LRP1B: variants seen among roughly 807,000 people sequenced by gnomAD.
LRP1B encodes LDL receptor related protein 1B, also known as low-density lipoprotein receptor-related protein 1B.
In LRP1B, 217 loss-of-function variants were observed where a neutral mutation model predicts 556.6. That is an observed-to-expected ratio of 0.39 (90% confidence interval 0.35 to 0.44). The LOEUF (loss-of-function observed/expected upper bound fraction) is 0.44. Among genes scored for constraint, LRP1B ranks in the 20% least tolerant of loss-of-function variants. LRP1B has a pLI of 1.00. For missense variants in LRP1B, 5,053 were observed against 5,620.8 expected (o/e 0.90, Z 3.23); for synonymous variants, 2,047 against 1,865.8 (o/e 1.10, Z -2.50).
chr2:141,529,595 T>C (rs2105189092), intron 2 of LRP1B, among the ~76,000 whole-genome samples: 1 of 152,300 alleles, frequency 6.6e-6, no homozygotes, highest in Admixed American at 6.5e-5. Flanking sequence ...CTGACTTGGA[T>C]TCAAGTATAG....
At chr2:141,535,296 C>T (rs1421839695) in intron 2 of LRP1B, among the ~76,000 whole-genome samples, 1 of 152,092 alleles carries the variant, frequency 6.6e-6, no homozygotes, top group Non-Finnish European at 1.5e-5. Flanking sequence ...GGAATACTTC[C>T]CTTTCAACTT....
chr2:141,140,593 C>A (rs1366750609), intron 7 of LRP1B, among the ~76,000 whole-genome samples: 1 of 152,064 alleles, frequency 6.6e-6, no homozygotes, highest in Non-Finnish European at 1.5e-5. Flanking sequence ...TGCATACACA[C>A]AGAGAAAAGG....
intron 1 of LRP1B, among the ~76,000 whole-genome samples, chr2:141,945,410 C>T (rs183799800): frequency 5.9e-4 from 90 of 152,066 alleles, no homozygotes; most frequent in African/African-American, 2.1e-3. Flanking sequence ...TAACTTTTAA[C>T]GGCCCCACTC....
At chr2:141,055,065 T>A (rs910090276) in intron 10 of LRP1B, 51 bp downstream of exon 10, 31 of 1,595,116 alleles carry the variant, frequency 1.9e-5, no homozygotes, top group Non-Finnish European at 2.5e-5. Context: ...ATACTTAAAA[T>A]CCTATTCTAA....
At chr2:140,399,083 T>C (rs1684380001) in intron 66 of LRP1B, among the ~76,000 whole-genome samples, 3 of 152,100 alleles carry the variant, frequency 2.0e-5, no homozygotes, top group African/African-American at 7.2e-5. Context: ...CTTATCTTTC[T>C]TTTTCTTTAA....
chr2:141,610,076 A>ACAC (rs1688053547), intron 2 of LRP1B, among the ~76,000 whole-genome samples: 1 of 152,136 alleles, frequency 6.6e-6, no homozygotes, highest in Non-Finnish European at 1.5e-5. Context: ...GTTCTTGGCT[A>ACAC]ATTAATGCAA....
intron 2 of LRP1B, among the ~76,000 whole-genome samples, chr2:141,490,484 G>A (rs1023906209): frequency 6.6e-6 from 1 of 151,706 alleles, no homozygotes; most frequent in Non-Finnish European, 1.5e-5. Flanking sequence ...TATAGGTTAA[G>A]TCATAACATT....
chr2:141,354,088 TC>T, intron 3 of LRP1B, among the ~76,000 whole-genome samples: 1 of 151,954 alleles, frequency 6.6e-6, no homozygotes, highest in Middle Eastern at 3.4e-3. Context: ...AGACTGAGGA[TC>T]AAAAACCTAC....
intron 33 of LRP1B, among the ~76,000 whole-genome samples, chr2:140,773,007 G>A (rs1279565596): frequency 6.6e-6 from 1 of 152,092 alleles, no homozygotes; most frequent in Non-Finnish European, 1.5e-5. Context: ...GCTGAGGCAT[G>A]AGAATCATTG....
At chr2:140,273,984 G>A (rs1369273645) in intron 85 of LRP1B, among the ~76,000 whole-genome samples, 2 of 151,980 alleles carry the variant, frequency 1.3e-5, no homozygotes, top group East Asian at 3.9e-4. Context: ...ATTAATGTGT[G>A]TTTTCATTAG....
chr2:140,474,693 C>T (rs2105346929), intron 60 of LRP1B, among the ~76,000 whole-genome samples: 1 of 151,984 alleles, frequency 6.6e-6, no homozygotes, highest in African/African-American at 2.4e-5. Flanking sequence ...ATTGTTGCTG[C>T]TGTGATTAGG....
chr2:141,501,216 A>G (rs1683698052), intron 2 of LRP1B, among the ~76,000 whole-genome samples: 1 of 152,138 alleles, frequency 6.6e-6, no homozygotes, highest in Admixed American at 6.5e-5. Context: ...TAAATTTCAC[A>G]AATTTTATTT....
intron 74 of LRP1B, among the ~76,000 whole-genome samples, chr2:140,357,099 C>T (rs1299336116): frequency 6.6e-6 from 1 of 151,692 alleles, no homozygotes; most frequent in Non-Finnish European, 1.5e-5. Context: ...AATTTTATTA[C>T]TTTATCTCCC....
At chr2:141,636,313 C>T (rs1250565505) in intron 2 of LRP1B, among the ~76,000 whole-genome samples, 1 of 152,008 alleles carries the variant, frequency 6.6e-6, no homozygotes, top group East Asian at 1.9e-4. Context: ...AAAGCATGAA[C>T]ATAATGTATT....
At chr2:141,870,940 GT>G (rs1244052581) in intron 1 of LRP1B, among the ~76,000 whole-genome samples, 2 of 151,802 alleles carry the variant, frequency 1.3e-5, no homozygotes, top group Non-Finnish European at 2.9e-5. Flanking sequence ...GAGTGCACTA[GT>G]CCCCCCTGGA....
intron 15 of LRP1B, among the ~76,000 whole-genome samples, chr2:140,999,943 G>T (rs1247223790): frequency 6.6e-6 from 1 of 151,956 alleles, no homozygotes; most frequent in Non-Finnish European, 1.5e-5. Flanking sequence ...ATGGGGTCTT[G>T]CTCTGTCACC....
rs1364122715 is a variant in LRP1B, at chr2:141,873,569, T to A, written c.83-63168A>T. ...CATAATTAGAAAAAAATAATTTATG[T>A]GTCTGTGTTCCACTACTCTCTATCC... is the stretch of plus-strand genomic sequence containing the variant. On this transcript the variant is annotated intron_variant, in intron 1 of 90. Transcript: ENST00000389484. Among the ~76,000 whole-genome samples the A allele has an allele frequency of 2.0e-5, 3 of 151,970 alleles. No individual in the cohort carries two copies. The East Asian group carries it at 5.8e-4, about 29-fold the overall frequency.
intron 35 of LRP1B, among the ~76,000 whole-genome samples, chr2:140,728,950 T>A (rs539836649): frequency 2.0e-5 from 3 of 152,078 alleles, no homozygotes; most frequent in African/African-American, 7.2e-5. Flanking sequence ...ATAATAAATA[T>A]CAACTATCAT....
At chr2:140,635,701 C>A (rs1684049066) in intron 41 of LRP1B, among the ~76,000 whole-genome samples, 1 of 151,934 alleles carries the variant, frequency 6.6e-6, no homozygotes, top group Non-Finnish European at 1.5e-5. Flanking sequence ...ATTATAACAG[C>A]AAGAACTTTT....
Sources: allele counts gnomAD v4.1 joint callset (sites outside exome capture counted in the v4.1 genomes callset), GRCh38; gene constraint gnomAD v4.1.1; transcripts MANE v1.5; gene names NCBI Gene and HGNC (gene_info 2026-07-23, HGNC 2026-07-21).